ACACA: variants seen among roughly 807,000 people sequenced by gnomAD.
ACACA encodes the protein acetyl-CoA carboxylase 1.
A neutral mutation model predicts 296.1 loss-of-function variants in ACACA; 103 were observed. The observed-to-expected ratio is 0.35, with a 90% CI of 0.30 to 0.41. The LOEUF (loss-of-function observed/expected upper bound fraction) is 0.41, where lower values mean the gene tolerates loss of function less well. Among genes scored for constraint, ACACA ranks in the 10% least tolerant of loss-of-function variants. ACACA has a pLI of 1.00. For synonymous variants in ACACA, 953 were observed against 1,038.6 expected (o/e 0.92, Z 1.58); for missense variants, 1,554 against 2,989.7 (o/e 0.52, Z 11.20).
chr17:37,302,520 T>G (rs934985564), intron 3 of ACACA, among the ~76,000 whole-genome samples: 43 of 149,784 alleles, frequency 2.9e-4, no homozygotes, highest in Non-Finnish European at 1.5e-5. Flanking sequence ...GGTCTGGAAC[T>G]CTTGACCTCA....
intron 41 of ACACA, among the ~76,000 whole-genome samples, chr17:37,171,172 T>G (rs1231344905): frequency 6.6e-6 from 1 of 151,790 alleles, no homozygotes; most frequent in African/African-American, 2.4e-5. Flanking sequence ...TGATCTTGAG[T>G]TTTTTTTGGA....
intron 3 of ACACA, among the ~76,000 whole-genome samples, chr17:37,319,178 T>C (rs1264682659): frequency 1.3e-5 from 2 of 152,128 alleles, no homozygotes; most frequent in Non-Finnish European, 2.9e-5. Flanking sequence ...ATGTGACAGA[T>C]TAAGAAATTT....
chr17:37,257,383 C>T (rs568136072), intron 14 of ACACA, among the ~76,000 whole-genome samples: 32 of 152,214 alleles, frequency 2.1e-4, no homozygotes, highest in African/African-American at 7.7e-4. Context: ...CAAGAATCTA[C>T]CTCCCCTCAA....
At chr17:37,164,066 T>G (rs2144507759) in intron 41 of ACACA, among the ~76,000 whole-genome samples, 1 of 147,970 alleles carries the variant, frequency 6.8e-6, no homozygotes, top group Non-Finnish European at 1.5e-5. Flanking sequence ...CCTTTCTTTC[T>G]GTCTCTCACC....
intron 1 of ACACA, among the ~76,000 whole-genome samples, chr17:37,380,286 G>A (rs12937316): frequency 1.9e-5 from 2 of 104,174 alleles, no homozygotes; most frequent in African/African-American, 3.9e-5. Flanking sequence ...GGGGTGGGGG[G>A]AGGGGGGAGG....
chr17:37,379,216 C>A, intron 1 of ACACA: 1 of 1,613,968 alleles, frequency 6.2e-7, no homozygotes, highest in Non-Finnish European at 8.5e-7. Flanking sequence ...GCTCTGACAG[C>A]AAAGTAAAAG....
At position 37,206,899 on chromosome 17, in the gene ACACA, C is replaced by T. The variant is rs1452051176; in HGVS notation, c.3852-20G>A. 2 of 1,590,588 alleles carry T rather than the reference C, an allele frequency of 1.3e-6. No homozygotes were observed. The highest frequency in any genetic ancestry group is 1.7e-6 in the Non-Finnish European group (2 of 1,158,854). On this transcript the variant is annotated intron_variant, in intron 31 of 55. Transcript: ENST00000616317. ...AAGATCCTAAAAAATACAAGAGAAA[C>T]ACCCACCATGAAAACTCAAGTGGCA...
intron 25 of ACACA, 122 bp downstream of exon 25, chr17:37,234,853 C>A: frequency 9.0e-7 from 1 of 1,116,758 alleles, no homozygotes. Flanking sequence ...AGCTCAAGCC[C>A]CATTCATCCC....
intron 25 of ACACA, among the ~76,000 whole-genome samples, chr17:37,232,895 C>T (rs149020997): frequency 6.6e-6 from 1 of 152,130 alleles, no homozygotes; most frequent in African/African-American, 2.4e-5. Context: ...CTCTTCCCAT[C>T]CCCCTTGTCC....
chr17:37,325,579 C>CTTTTTTT lies in ACACA; in HGVS notation c.338+4587_338+4593dup, dbSNP rs1156553256. ...CTTAGGGTCTTATTTTCTTTTCTTT[C>CTTTTTTT]TTTTTTTTTTTTTTTTTTTTTTTTT... On this transcript the variant is annotated intron_variant, in intron 3 of 55. Transcript: ENST00000616317. Among the ~76,000 whole-genome samples, 196 of 67,956 alleles carry CTTTTTTT rather than the reference C, an allele frequency of 2.9e-3. 7 individuals are homozygous for CTTTTTTT. Among genetic ancestry groups the CTTTTTTT allele is most frequent in the East Asian group, 5.8e-3 (12 of 2,058 alleles). The allele number at this position is 67,956 out of a possible 152,430, so 44.6% of individuals were successfully genotyped here. A position where few individuals can be genotyped will look rare whatever the true frequency, so the allele number is the denominator to read the frequency against.
At chr17:37,204,082 T>C (rs539346223) in intron 33 of ACACA, among the ~76,000 whole-genome samples, 5 of 152,228 alleles carry the variant, frequency 3.3e-5, no homozygotes. Context: ...ACGAACTGTC[T>C]ACACCACTGA....
At chr17:37,284,032 T>C (rs2082664321) in intron 4 of ACACA, among the ~76,000 whole-genome samples, 1 of 152,190 alleles carries the variant, frequency 6.6e-6, no homozygotes, top group African/African-American at 2.4e-5. Context: ...ACATAATCTG[T>C]CTTTATTGGA....
Position 37,258,218 on chromosome 17 carries a change from T to A in ACACA, c.1656A>T (p.Pro552=), listed in dbSNP as rs763840872. ...CTTTTAAGTGATGGGTTACCTCATC[T>A]GGATTTTCACTAGTGATCCGAGCAG... is the stretch of plus-strand genomic sequence containing the variant. ...VIAARITSEN[P]DEGFKPSSGT... The change falls in exon 13 of 56, where the codon CCA becomes CCT. Residue 552 remains proline (P), a synonymous_variant. Coordinates refer to ENST00000616317, the MANE Select transcript of ACACA (RefSeq NM_198834.3). The A allele has an allele frequency of 1.7e-5, 28 of 1,614,156 alleles. No homozygotes were observed. Among genetic ancestry groups the A allele is most frequent in the Non-Finnish European group, 2.2e-5 (26 of 1,180,006 alleles).
intron 45 of ACACA, among the ~76,000 whole-genome samples, chr17:37,145,536 CT>C (rs1215781832): frequency 2.0e-5 from 3 of 152,338 alleles, no homozygotes; most frequent in African/African-American, 7.2e-5. Context: ...ACCGGACCAC[CT>C]TCTCTTAGGC....
chr17:37,337,497 AGGCTAGAGTGCAGT>A lies in ACACA; in HGVS notation c.85+2293_85+2306del, dbSNP rs141888293. 9.6e-3 allele frequency among the ~76,000 whole-genome samples: 1,455 copies of A among 151,812 alleles called. 21 individuals are homozygous for A. Among genetic ancestry groups the A allele is most frequent in the African/African-American group, 0.033 (1,384 of 41,436 alleles). The stretch of plus-strand genomic sequence containing the variant: ...GAGGCAGGGTCTTGCTCTGTCACTC[AGGCTAGAGTGCAGT>A]GGCACGATCCTCGTTCACTGCAGCC... On this transcript the variant is annotated intron_variant, in intron 2 of 55. Transcript: ENST00000616317.
intron 39 of ACACA, among the ~76,000 whole-genome samples, chr17:37,187,590 C>T (rs1225728394): frequency 6.6e-6 from 1 of 152,180 alleles, no homozygotes; most frequent in Non-Finnish European, 1.5e-5. Flanking sequence ...AGGGAATTCT[C>T]TGTTTCACAG....
chr17:37,259,273 C>T lies in ACACA; in HGVS notation c.1500+87G>A, dbSNP rs889155607. 6 of 1,457,284 alleles carry T rather than the reference C, an allele frequency of 4.1e-6. No individual in the cohort carries two copies. The South Asian group carries it at 4.6e-5, about 11-fold the overall frequency. The allele number at this position is 1,457,284 out of a possible 1,614,324, so 90.3% of individuals were successfully genotyped here. ...TTAGGTGTGACTCAGATAGGAGGTG[C>T]TTTTCTCTTATCACACACTGGTTAA... On this transcript the variant is annotated intron_variant, in intron 12 of 55. Transcript: ENST00000616317.
chr17:37,120,040 T>C (rs1784810903), intron 50 of ACACA, among the ~76,000 whole-genome samples: 1 of 150,328 alleles, frequency 6.7e-6, no homozygotes, highest in African/African-American at 2.4e-5. Flanking sequence ...ATTATAGGCA[T>C]GCACCACCCC....
At chr17:37,279,531 G>A (rs1472737801) in intron 5 of ACACA, among the ~76,000 whole-genome samples, 2 of 152,000 alleles carry the variant, frequency 1.3e-5, no homozygotes, top group African/African-American at 4.8e-5. Flanking sequence ...CACAGACAGA[G>A]TGAGGCTGAG....
Sources: gnomAD v4.1 joint callset for allele counts (sites outside exome capture counted in the v4.1 genomes callset) on GRCh38, gnomAD v4.1.1 for gene constraint, MANE v1.5 for transcripts, NCBI Gene and HGNC (gene_info 2026-07-23, HGNC 2026-07-21) for gene names.